Variants in ITPR1 observed in about 807,000 individuals in gnomAD.
The protein encoded by ITPR1 is inositol 1,4,5-trisphosphate receptor type 1.
In ITPR1, 96 loss-of-function variants were observed where a neutral mutation model predicts 318.4. The observed-to-expected ratio is 0.30, with a 90% confidence interval of 0.26 to 0.36. The LOEUF is 0.36. ITPR1 is among the 10% of genes least tolerant of loss of function. The pLI is 1.00. For missense variants in ITPR1, 2,440 were observed against 3,460.2 expected (o/e 0.71, Z 7.40); for synonymous variants, 1,312 against 1,289.9 (o/e 1.02, Z -0.37).
chr3:4,811,102 C>T (rs917195697), intron 55 of ITPR1, among the ~76,000 whole-genome samples, 163 bp from the exon 56 acceptor site: 5 of 152,156 alleles, frequency 3.3e-5, no homozygotes, highest in African/African-American at 7.2e-5. Flanking sequence ...TTACCATCTC[C>T]GTTTCACTGT....
intron 44 of ITPR1, among the ~76,000 whole-genome samples, chr3:4,755,941 C>T (rs2044938826): frequency 6.6e-6 from 1 of 152,198 alleles, no homozygotes; most frequent in Non-Finnish European, 1.5e-5. Context: ...TTTCTGAACT[C>T]ATTAAAGCTG....
intron 60 of ITPR1, among the ~76,000 whole-genome samples, chr3:4,823,460 A>C (rs2049854915): frequency 6.6e-6 from 1 of 152,172 alleles, no homozygotes; most frequent in Non-Finnish European, 1.5e-5. Flanking sequence ...ACACAGTGGA[A>C]TACTATTTGG....
intron 55 of ITPR1, among the ~76,000 whole-genome samples, chr3:4,809,461 G>A (rs2048795841): frequency 6.6e-6 from 1 of 152,162 alleles, no homozygotes; most frequent in Non-Finnish European, 1.5e-5. Flanking sequence ...TGAAAGGCTG[G>A]TTATGTGCCA....
chr3:4,741,602 A>G (rs902236932), intron 44 of ITPR1, among the ~76,000 whole-genome samples: 4 of 151,834 alleles, frequency 2.6e-5, no homozygotes, highest in Non-Finnish European at 4.4e-5. Flanking sequence ...AGTGTTAGAT[A>G]GGAAATCTCA....
Position 4,642,093 on chromosome 3 carries a change from CT to C in ITPR1, c.368del (p.Leu123ProfsTer4). 6.3e-7 allele frequency: 1 copy of C among 1,577,990 alleles called. No individual in the cohort carries two copies. The highest frequency in any genetic ancestry group is 8.6e-7 in the Non-Finnish European group (1 of 1,164,030). ...CTTTATTCTCTTGGTGGGTTTTTAG[CT>C]CCTGCATTTGAAAAGTAATAAATAC... ...TVIQYGNVIQ[L>X]LHLKSNKYLT... On this transcript the variant is annotated frameshift_variant and splice_region_variant, in exon 7 of 62. Coordinates refer to ENST00000649015, the MANE Select transcript of ITPR1 (RefSeq NM_001378452.1). LOFTEE classifies it high-confidence loss of function.
intron 17 of ITPR1, among the ~76,000 whole-genome samples, chr3:4,666,083 T>C (rs2125198824): frequency 6.6e-6 from 1 of 152,262 alleles, no homozygotes; most frequent in African/African-American, 2.4e-5. Context: ...TCAGTAGTGC[T>C]GAGGTTTAGA....
At chr3:4,592,030 A>G (rs537965211) in intron 4 of ITPR1, among the ~76,000 whole-genome samples, 5 of 152,176 alleles carry the variant, frequency 3.3e-5, no homozygotes, top group Non-Finnish European at 7.3e-5. Flanking sequence ...CCCTTGATCC[A>G]TGTTTCTTCA....
chr3:4,498,202 A>G (rs1008829122), intron 2 of ITPR1, among the ~76,000 whole-genome samples: 3 of 152,224 alleles, frequency 2.0e-5, no homozygotes, highest in Non-Finnish European at 4.4e-5. Context: ...TATGTTATGT[A>G]TATTTTACAG....
chr3:4,787,839 G>T, intron 51 of ITPR1, 108 bp from the exon 52 acceptor site: 1 of 713,516 alleles, frequency 1.4e-6, no homozygotes, highest in South Asian at 2.0e-5. Context: ...TAAAATCAGA[G>T]ATCATATTAT....
rs148344031 is a variant in ITPR1, at chr3:4,613,169, G to A, written c.164-14594G>A. 5.0e-3 allele frequency among the ~76,000 whole-genome samples: 764 copies of A among 152,234 alleles called. 10 individuals carry two copies. The highest frequency in any genetic ancestry group is 0.018 in the African/African-American group (729 of 41,522). ...AGTAATTTGGGACAACTCAAAGTGGGGGCTTCCAGGTTAGGAGTAGATAAG... is the reference window on the plus strand; with the variant it reads ...AGTAATTTGGGACAACTCAAAGTGGAGGCTTCCAGGTTAGGAGTAGATAAG... On this transcript the variant is annotated intron_variant, in intron 4 of 61. Coordinates refer to ENST00000649015, the MANE Select transcript of ITPR1 (RefSeq NM_001378452.1).
chr3:4,731,378 C>T (rs1324646960), intron 42 of ITPR1, among the ~76,000 whole-genome samples: 1 of 152,184 alleles, frequency 6.6e-6, no homozygotes, highest in East Asian at 1.9e-4. Context: ...TTAAAAAGTA[C>T]TTAAAATATC....
In ITPR1 at chr3:4,779,214, CATGAGGGTGA is replaced by C. The variant is rs2046664906; in HGVS notation, c.6292-335_6292-326del. Among the ~76,000 whole-genome samples, 1 of 152,260 alleles carries C rather than the reference CATGAGGGTGA, an allele frequency of 6.6e-6. No individual in the cohort carries two copies. Among genetic ancestry groups the C allele is most frequent in the South Asian group, 2.1e-4 (1 of 4,832 alleles). ...GCAGCTTCTTCCCAACCACTGTCAC[CATGAGGGTGA>C]CAGTGTATCCGTAAGCACCCACGTG... On this transcript the variant is annotated intron_variant, in intron 48 of 61. Coordinates refer to ENST00000649015, the MANE Select transcript of ITPR1 (RefSeq NM_001378452.1). The surrounding 1 kb of genome is among the most constrained non-coding windows in gnomAD (Gnocchi z 4.0).
chr3:4,508,068 G>A (rs1257637624), intron 2 of ITPR1, among the ~76,000 whole-genome samples: 1 of 152,122 alleles, frequency 6.6e-6, no homozygotes, highest in Admixed American at 6.6e-5. Flanking sequence ...CTGTGGGGAC[G>A]AGGCGAGGGG....
intron 4 of ITPR1, among the ~76,000 whole-genome samples, chr3:4,546,531 G>A (rs965705912): frequency 6.6e-6 from 1 of 152,136 alleles, no homozygotes; most frequent in African/African-American, 2.4e-5. Context: ...CTCGTGCACC[G>A]TTCACTCTAG....
chr3:4,835,369 C>T (rs73098082), intron 60 of ITPR1, among the ~76,000 whole-genome samples: 1,766 of 152,170 alleles, frequency 0.012, 30 homozygotes, highest in African/African-American at 0.04. Context: ...GCCTGCTGCC[C>T]GCATTTGTAA....
intron 24 of ITPR1, 94 bp from the exon 25 acceptor site, chr3:4,680,459 T>G: frequency 9.0e-7 from 1 of 1,115,078 alleles, no homozygotes; most frequent in Non-Finnish European, 1.3e-6. Flanking sequence ...TTGATGCAGC[T>G]GATACCAGGC....
intron 31 of ITPR1, among the ~76,000 whole-genome samples, chr3:4,690,834 T>G (rs2094469258): frequency 6.6e-6 from 1 of 152,182 alleles, no homozygotes; most frequent in Non-Finnish European, 1.5e-5. Flanking sequence ...AAAATAGTAG[T>G]TAAATTGTGA....
chr3:4,582,147 A>G (rs888464147), intron 4 of ITPR1, among the ~76,000 whole-genome samples: 1 of 152,186 alleles, frequency 6.6e-6, no homozygotes, highest in Non-Finnish European at 1.5e-5. Flanking sequence ...TGCATTTGCC[A>G]GTCTTATCAA....
intron 44 of ITPR1, among the ~76,000 whole-genome samples, chr3:4,737,100 T>C (rs1345338002): frequency 2.0e-5 from 3 of 152,166 alleles, no homozygotes; most frequent in Non-Finnish European, 2.9e-5. Context: ...TTATGGATGA[T>C]AGATTTTTTT....
Sources: allele counts gnomAD v4.1 joint callset (sites outside exome capture counted in the v4.1 genomes callset), GRCh38; gene constraint gnomAD v4.1.1; non-coding constraint Gnocchi (gnomAD v3.1); transcripts MANE v1.5; gene names NCBI Gene and HGNC (gene_info 2026-07-23, HGNC 2026-07-21).